Variants in PPP4R2 observed in about 807,000 individuals in gnomAD.
PPP4R2 encodes the protein protein phosphatase 4 regulatory subunit 2, also known as serine/threonine-protein phosphatase 4 regulatory subunit 2.
PPP4R2 carries 13 observed loss-of-function variants against 47.2 expected under a neutral mutation model. That is an observed-to-expected ratio of 0.28 (90% CI 0.18 to 0.44). PPP4R2 has a LOEUF of 0.44. PPP4R2 is among the 20% of genes least tolerant of loss of function. The probability of loss-of-function intolerance (pLI) is 1.00; values close to 1 mark genes in which losing one functional copy is unlikely to be tolerated. For synonymous variants in PPP4R2, 151 were observed against 163.3 expected, an observed-to-expected ratio of 0.92 and a Z score of 0.57; for missense variants, 421 against 491.2, an observed-to-expected ratio of 0.86 and a Z score of 1.35.
intron 2 of PPP4R2, among the ~76,000 whole-genome samples, chr3:73,031,025 G>A (rs2107275841): frequency 6.6e-6 from 1 of 152,158 alleles, no homozygotes; most frequent in East Asian, 1.9e-4. Context: ...TACAGTTGAA[G>A]CTGGGTAATG....
At chr3:72,998,053 GTTT>G in intron 1 of PPP4R2, 21 bp from the exon 2 acceptor site, 1 of 1,496,860 alleles carries the variant, frequency 6.7e-7, no homozygotes, top group Non-Finnish European at 9.2e-7. Flanking sequence ...AACTGATAAC[GTTT>G]TTTTTTCTTC....
chr3:73,049,214 CG>C (rs1702558978), intron 3 of PPP4R2, among the ~76,000 whole-genome samples: 1 of 152,040 alleles, frequency 6.6e-6, no homozygotes, highest in African/African-American at 2.4e-5. Context: ...GAATACTTCT[CG>C]GGGCCAGGTG....
chr3:73,003,473 C>T (rs1270937659), intron 2 of PPP4R2, among the ~76,000 whole-genome samples: 2 of 151,982 alleles, frequency 1.3e-5, no homozygotes, highest in Admixed American at 6.6e-5. Flanking sequence ...GCCTTTGCCT[C>T]CAAAGGTGCT....
chr3:73,041,828 T>C (rs1316412237), intron 2 of PPP4R2, among the ~76,000 whole-genome samples: 3 of 152,232 alleles, frequency 2.0e-5, no homozygotes, highest in African/African-American at 4.8e-5. Flanking sequence ...AAAGAAAAGA[T>C]GGATTTTCTG....
At chr3:73,046,969 CTG>C (rs1702499216) in intron 2 of PPP4R2, among the ~76,000 whole-genome samples, 1 of 152,004 alleles carries the variant, frequency 6.6e-6, no homozygotes, top group South Asian at 2.1e-4. Flanking sequence ...AATGAGAGAT[CTG>C]GGTTTTGTTT....
Position 73,066,131 on chromosome 3 carries a change from T to G in PPP4R2, c.*409T>G, listed in dbSNP as rs983282753. 1.3e-5 allele frequency: 2 copies of G among 150,918 alleles called. No homozygotes were observed. Among genetic ancestry groups the G allele is most frequent in the African/African-American group, 4.8e-5 (2 of 41,260 alleles). The allele number at this position is 150,918 out of a possible 1,614,324, so 9.3% of individuals were successfully genotyped here. A position where few individuals can be genotyped will look rare whatever the true frequency, so the allele number is the denominator to read the frequency against. On this transcript the variant is annotated 3_prime_UTR_variant, in exon 9 of 9. Coordinates refer to ENST00000356692, the MANE Select transcript of PPP4R2 (RefSeq NM_174907.4). ...CTGATAGCTCTAGCAGTTTTCATAT[T>G]TTGGTCATAGTTTCAACATTTTAAC...
rs1439780510 is a variant in PPP4R2 at position 72,996,811 on chromosome 3, G to A, written c.-227G>A. 2.6e-6 allele frequency: 1 copy of A among 383,278 alleles called. No individual in the cohort carries two copies. The highest frequency in any genetic ancestry group is 4.6e-6 in the Non-Finnish European group (1 of 215,142). 23.7% of individuals were successfully genotyped at this position (383,278 alleles called of 1,614,324 possible). The stretch of plus-strand genomic sequence containing the variant: ...GGGAGCGTGCGCGCGGTGACGTACC[G>A]GGCGCCATGTTGGAGGGTTGGTGGT... On this transcript the variant is annotated 5_prime_UTR_variant, in exon 1 of 9. Transcript: ENST00000356692.
At chr3:73,051,934 A>T (rs1702622101) in intron 3 of PPP4R2, among the ~76,000 whole-genome samples, 1 of 152,088 alleles carries the variant, frequency 6.6e-6, no homozygotes, top group Admixed American at 6.6e-5. Context: ...CAAAGTACAG[A>T]TTTTTCCCTC....
intron 3 of PPP4R2, among the ~76,000 whole-genome samples, chr3:73,052,693 T>C (rs1702642826): frequency 6.6e-6 from 1 of 152,194 alleles, no homozygotes; most frequent in African/African-American, 2.4e-5. Flanking sequence ...TAAAAGTAAG[T>C]TAATCTCTCA....
At chr3:73,041,126 A>G (rs1377691602) in intron 2 of PPP4R2, among the ~76,000 whole-genome samples, 1 of 152,060 alleles carries the variant, frequency 6.6e-6, no homozygotes, top group Non-Finnish European at 1.5e-5. Context: ...TAGTCTCAAT[A>G]TTTTTCAGTT....
At chr3:73,060,283 G>T (rs1049088152) in intron 4 of PPP4R2, among the ~76,000 whole-genome samples, 1 of 152,168 alleles carries the variant, frequency 6.6e-6, no homozygotes, top group African/African-American at 2.4e-5. Flanking sequence ...AACTGAGATG[G>T]CTCATCAGTA....
intron 5 of PPP4R2, chr3:73,062,726 G>A (rs566023073): frequency 1.2e-6 from 2 of 1,614,010 alleles, no homozygotes; most frequent in South Asian, 2.2e-5. Context: ...TCAAGGCAAT[G>A]ATGGCATCTA....
rs767611049 is a variant in PPP4R2 at position 73,063,754 on chromosome 3, T to C, written c.494+7T>C. ...CACCAAGCTATACTGAGAGGTGAGATTCTAGATTTTTAATACCTACAGAGT... is the reference window on the plus strand; with the variant it reads ...CACCAAGCTATACTGAGAGGTGAGACTCTAGATTTTTAATACCTACAGAGT... On this transcript the variant is annotated splice_region_variant and intron_variant, in intron 6 of 8. Coordinates refer to ENST00000356692, the MANE Select transcript of PPP4R2 (RefSeq NM_174907.4). The C allele has an allele frequency of 3.3e-6, 5 of 1,507,382 alleles. No individual in the cohort carries two copies. The South Asian group carries it at 4.6e-5, about 14-fold the overall frequency. The allele number at this position is 1,507,382 out of a possible 1,614,324, so 93.4% of individuals were successfully genotyped here. A position where few individuals can be genotyped will look rare whatever the true frequency, so the allele number is the denominator to read the frequency against.
chr3:73,021,846 A>ATGTGTGTGTG lies in PPP4R2; in HGVS notation c.116+23689_116+23690insGTGTGTGTGT, dbSNP rs1350655364. ...TTTAACAGTGAAGTATTACATTTCTATATGTGTGTGTGTGTGTGTGTGTGT... is the reference window on the plus strand; with the variant it reads ...TTTAACAGTGAAGTATTACATTTCTATGTGTGTGTGTATGTGTGTGTGTGTGTGTGTGTGT... On this transcript the variant is annotated intron_variant, in intron 2 of 8. Transcript: ENST00000356692. 4.1e-4 allele frequency among the ~76,000 whole-genome samples: 49 copies of ATGTGTGTGTG among 120,904 alleles called. 1 individual carries two copies. Among genetic ancestry groups the ATGTGTGTGTG allele is most frequent in the African/African-American group, 1.8e-3 (47 of 25,660 alleles). The allele number at this position is 120,904 out of a possible 152,430, so 79.3% of individuals were successfully genotyped here.
At chr3:73,039,420 G>T (rs1170776470) in intron 2 of PPP4R2, among the ~76,000 whole-genome samples, 1 of 152,156 alleles carries the variant, frequency 6.6e-6, no homozygotes, top group Non-Finnish European at 1.5e-5. Flanking sequence ...ACCATGCCTG[G>T]CCAAAAACAA....
intron 2 of PPP4R2, among the ~76,000 whole-genome samples, chr3:73,016,348 A>G (rs1225771647): frequency 3.3e-5 from 5 of 151,968 alleles, no homozygotes; most frequent in Non-Finnish European, 7.4e-5. Context: ...TGGTTGCTAC[A>G]GTTTGGGGGC....
At chr3:73,056,672 TATC>T (rs1702737480) in intron 3 of PPP4R2, among the ~76,000 whole-genome samples, 1 of 152,218 alleles carries the variant, frequency 6.6e-6, no homozygotes, top group South Asian at 2.1e-4. Flanking sequence ...AAACTCGTTT[TATC>T]ATTGCTGGTA....
intron 2 of PPP4R2, among the ~76,000 whole-genome samples, chr3:73,002,884 C>T (rs986511990): frequency 3.3e-5 from 5 of 151,750 alleles, no homozygotes; most frequent in African/African-American, 1.2e-4. Context: ...CCTCGTGATC[C>T]ATCCACCTTG....
chr3:73,044,768 G>T (rs1371785215), intron 2 of PPP4R2, among the ~76,000 whole-genome samples: 1 of 152,138 alleles, frequency 6.6e-6, no homozygotes, highest in African/African-American at 2.4e-5. Context: ...GGAGAAGTGC[G>T]TATTTAAGTA....
Sources: allele counts gnomAD v4.1 joint callset (sites outside exome capture counted in the v4.1 genomes callset), GRCh38; gene constraint gnomAD v4.1.1; transcripts MANE v1.5; gene names NCBI Gene and HGNC (gene_info 2026-07-23, HGNC 2026-07-21).